Variants in PTPRT observed in about 807,000 individuals in gnomAD.
PTPRT encodes the protein protein tyrosine phosphatase receptor type T, also known as receptor-type tyrosine-protein phosphatase T.
A neutral mutation model predicts 176.8 loss-of-function variants in PTPRT; 56 were observed. That is an observed-to-expected ratio of 0.32 (90% CI 0.26 to 0.40). PTPRT has a LOEUF of 0.40. Ranked by LOEUF, PTPRT falls within the 10% of genes least tolerant of loss-of-function variation. PTPRT has a pLI of 1.00. For synonymous variants in PTPRT, 783 were observed against 739.0 expected (o/e 1.06, Z -0.96); for missense variants, 1,540 against 1,908.2 (o/e 0.81, Z 3.60).
In PTPRT at chr20:42,756,607, C is replaced by A; in HGVS notation, c.714G>T (p.Met238Ile). 5 of 1,603,546 alleles carry A rather than the reference C, an allele frequency of 3.1e-6. No homozygotes were observed. Among genetic ancestry groups the A allele is most frequent in the Admixed American group, 1.7e-5 (1 of 58,906 alleles). Reference sequence around the variant, plus strand: ...GCCTGTGGTTGACCACACGGGTGACCATCAGGGCCGTGTCCCTGCCATTCC... The same window carrying A: ...GCCTGTGGTTGACCACACGGGTGACAATCAGGGCCGTGTCCCTGCCATTCC... ...QQWNGRDTAL[M>I]VTRVVNHRRF... Residue 238 changes from methionine (M) to isoleucine (I), a missense_variant, in exon 6 of 31, where the codon ATG becomes ATT. Physicochemically the swap from Met to Ile is conservative, Grantham distance 10. Around this residue, in one of 11 missense-constraint regions of PTPRT, gnomAD observed 273 missense variants for 432.1 expected, o/e 0.63. Coordinates refer to ENST00000373187, the MANE Select transcript of PTPRT (RefSeq NM_007050.6).
intron 7 of PTPRT, among the ~76,000 whole-genome samples, chr20:42,591,722 G>T (rs1378975325): frequency 6.6e-6 from 1 of 152,134 alleles, no homozygotes; most frequent in Non-Finnish European, 1.5e-5. Flanking sequence ...TTGTTCTATG[G>T]ATCTCACTGT....
rs548595416 is a variant in PTPRT, at chr20:42,075,362, AT to A, written c.*5516del. On this transcript the variant is annotated 3_prime_UTR_variant, in exon 31 of 31. Transcript: ENST00000373187. ...AACCTACCCTCCAGTTGGGTTGACC[AT>A]TTTTTTCCCTGGGGATCCTGGCCCA... 5 of 228,828 alleles carry A rather than the reference AT, an allele frequency of 2.2e-5. No individual in the cohort carries two copies. Among genetic ancestry groups the A allele is most frequent in the Admixed American group, 5.7e-5 (1 of 17,608 alleles). 14.2% of individuals were successfully genotyped at this position (228,828 alleles called of 1,614,324 possible). A position where few individuals can be genotyped will look rare whatever the true frequency, so the allele number is the denominator to read the frequency against.
At chr20:42,941,711 T>A (rs140841016) in intron 1 of PTPRT, among the ~76,000 whole-genome samples, 1 of 152,162 alleles carries the variant, frequency 6.6e-6, no homozygotes, top group Non-Finnish European at 1.5e-5. Context: ...AAGAGAGAGA[T>A]GGGACTTCAA....
chr20:42,096,081 G>A (rs185123530), intron 27 of PTPRT, among the ~76,000 whole-genome samples: 6 of 152,178 alleles, frequency 3.9e-5, no homozygotes, highest in Admixed American at 3.3e-4. Flanking sequence ...TAAACCTTGG[G>A]GACTTAAGTC....
chr20:42,120,400 C>A (rs1012299063), intron 19 of PTPRT, among the ~76,000 whole-genome samples: 1 of 152,252 alleles, frequency 6.6e-6, no homozygotes, highest in African/African-American at 2.4e-5. Context: ...AGGAAGAAAA[C>A]AATTCAATTG....
chr20:42,525,858 T>G (rs2072258707), intron 7 of PTPRT, among the ~76,000 whole-genome samples: 1 of 152,234 alleles, frequency 6.6e-6, no homozygotes, highest in South Asian at 2.1e-4. Context: ...GGGGACCATA[T>G]TCCTGAAATT....
At chr20:42,610,364 G>A (rs183109038) in intron 7 of PTPRT, among the ~76,000 whole-genome samples, 49 of 150,024 alleles carry the variant, frequency 3.3e-4, no homozygotes, top group African/African-American at 1.1e-3. Flanking sequence ...GTAGATCTGC[G>A]GGTTTACTTG....
intron 9 of PTPRT, among the ~76,000 whole-genome samples, chr20:42,359,525 G>C (rs909419650): frequency 6.6e-6 from 1 of 152,186 alleles, no homozygotes; most frequent in African/African-American, 2.4e-5. Context: ...ATTCATGAAG[G>C]CAAAGAGTGT....
chr20:43,173,417 T>C (rs2015051590), intron 1 of PTPRT, among the ~76,000 whole-genome samples: 1 of 152,232 alleles, frequency 6.6e-6, no homozygotes. Flanking sequence ...CAGCAAAATC[T>C]GTGGCATTCA....
intron 7 of PTPRT, among the ~76,000 whole-genome samples, chr20:42,570,216 T>C (rs2073130921): frequency 6.6e-6 from 1 of 152,156 alleles, no homozygotes; most frequent in African/African-American, 2.4e-5. Flanking sequence ...AGGTGACCCT[T>C]GGACAGATGC....
intron 1 of PTPRT, among the ~76,000 whole-genome samples, chr20:43,154,985 T>G (rs751997119): frequency 2.0e-5 from 3 of 151,988 alleles, no homozygotes; most frequent in Non-Finnish European, 1.5e-5. Context: ...GAAATGCAAA[T>G]TACAACTACA....
intron 9 of PTPRT, among the ~76,000 whole-genome samples, chr20:42,423,920 T>A (rs1428192880): frequency 6.6e-6 from 1 of 152,114 alleles, no homozygotes; most frequent in Non-Finnish European, 1.5e-5. Flanking sequence ...TATAGACAGG[T>A]ACTAGGAGAA....
chr20:42,691,366 T>A (rs1011981226), intron 6 of PTPRT, among the ~76,000 whole-genome samples: 22 of 152,330 alleles, frequency 1.4e-4, no homozygotes, highest in African/African-American at 5.3e-4. Context: ...GCAGAAGGTG[T>A]CTGTGGCTTT....
chr20:42,038,198 G>T, the PTPRT span, among the ~76,000 whole-genome samples: 1 of 152,086 alleles, frequency 6.6e-6, no homozygotes, highest in Non-Finnish European at 1.5e-5. Context: ...GCTTTAATCC[G>T]CCCAGCAACT....
At chr20:42,922,245 C>G (rs1347633710) in intron 1 of PTPRT, among the ~76,000 whole-genome samples, 1 of 152,186 alleles carries the variant, frequency 6.6e-6, no homozygotes, top group Admixed American at 6.5e-5. Context: ...TCCACCTACT[C>G]TTTCTCAGCC....
intron 18 of PTPRT, among the ~76,000 whole-genome samples, 191 bp downstream of exon 18, chr20:42,141,724 C>G (rs1600579847): frequency 6.6e-6 from 1 of 152,338 alleles, no homozygotes; most frequent in East Asian, 1.9e-4. Flanking sequence ...TGGCTGAGAT[C>G]AGCCATGCTC....
At chr20:42,794,036 G>A (rs1320110307) in intron 2 of PTPRT, among the ~76,000 whole-genome samples, 1 of 152,182 alleles carries the variant, frequency 6.6e-6, no homozygotes, top group African/African-American at 2.4e-5. Context: ...TGTAGAGAGA[G>A]TTGGGAAGGT....
rs141311782 is a variant in PTPRT at position 42,630,143 on chromosome 20, G to C, written c.1153+47723C>G. Among the ~76,000 whole-genome samples, 383 of 152,282 alleles carry C rather than the reference G, an allele frequency of 2.5e-3. 4 individuals are homozygous for C. The highest frequency in any genetic ancestry group is 8.8e-3 in the African/African-American group (365 of 41,540). ...GGGAGGTAAGAGGGTCAGAGTCAGA[G>C]AGAGATGTCAAGATGCTACACTGCT... On this transcript the variant is annotated intron_variant, in intron 7 of 30. Transcript: ENST00000373187.
chr20:42,139,114 GT>G (rs937003557), intron 18 of PTPRT, among the ~76,000 whole-genome samples: 2 of 152,074 alleles, frequency 1.3e-5, no homozygotes, highest in South Asian at 2.1e-4. Flanking sequence ...ATTCCAGGTT[GT>G]TTTTTTTCCA....
Sources: allele counts gnomAD v4.1 joint callset (sites outside exome capture counted in the v4.1 genomes callset), GRCh38; gene constraint gnomAD v4.1.1; regional missense constraint gnomAD v4.1.1; transcripts MANE v1.5; gene names NCBI Gene and HGNC (gene_info 2026-07-23, HGNC 2026-07-21).